Variants in COG2 observed in about 807,000 individuals in gnomAD.
COG2 encodes conserved oligomeric Golgi complex subunit 2.
A neutral mutation model predicts 90.6 loss-of-function variants in COG2; 52 were observed. The observed-to-expected ratio is 0.57, with a 90% confidence interval of 0.46 to 0.72. The LOEUF is 0.72. COG2 is among the 30% of genes least tolerant of loss of function. COG2 has a pLI of 0.00. For missense variants in COG2, 829 were observed against 891.2 expected (o/e 0.93, Z 0.89); for synonymous variants, 337 against 320.4 (o/e 1.05, Z -0.55).
intron 9 of COG2, chr1:230,678,149 G>A (rs1375737275): frequency 1.0e-6 from 1 of 985,418 alleles, no homozygotes; most frequent in South Asian, 4.7e-5. Flanking sequence ...CTTAGAGCCT[G>A]GGGGCTTCGG....
At position 230,688,054 on chromosome 1, in the gene COG2, G is replaced by A. The variant is rs766272426; in HGVS notation, c.1579-17G>A. 5.8e-6 allele frequency: 9 copies of A among 1,541,632 alleles called. No homozygotes were observed. In the South Asian group the frequency reaches 9.7e-5, roughly 17 times the overall value. ...TATAAAAAGTAACTGAATATATAAAGTGCATATTTATTTCAGCTTCCAGAA... is the reference window on the plus strand; with the variant it reads ...TATAAAAAGTAACTGAATATATAAAATGCATATTTATTTCAGCTTCCAGAA... On this transcript the variant is annotated splice_polypyrimidine_tract_variant and intron_variant, in intron 13 of 17. Coordinates refer to ENST00000366669, the MANE Select transcript of COG2 (RefSeq NM_007357.3).
intron 1 of COG2, among the ~76,000 whole-genome samples, chr1:230,652,960 G>A (rs1482358957): frequency 1.3e-5 from 2 of 152,176 alleles, no homozygotes; most frequent in African/African-American, 4.8e-5. Flanking sequence ...CCATAATCAA[G>A]GTAATGTATT....
intron 8 of COG2, among the ~76,000 whole-genome samples, chr1:230,674,085 G>A (rs1234709862): frequency 6.6e-6 from 1 of 152,166 alleles, no homozygotes; most frequent in Non-Finnish European, 1.5e-5. Flanking sequence ...TAGTGAAATG[G>A]TGTTTGCCTA....
intron 1 of COG2, among the ~76,000 whole-genome samples, chr1:230,658,310 C>G (rs546464507): frequency 6.6e-6 from 1 of 152,308 alleles, no homozygotes; most frequent in Non-Finnish European, 1.5e-5. Flanking sequence ...TCAGGCCCCT[C>G]TGCTGCAGGT....
chr1:230,664,171 A>G (rs997142192), intron 4 of COG2, among the ~76,000 whole-genome samples: 1 of 152,090 alleles, frequency 6.6e-6, no homozygotes, highest in Non-Finnish European at 1.5e-5. Context: ...CCTGGGTGAT[A>G]GAGTGAGACC....
intron 10 of COG2, chr1:230,679,308 A>ATTCCC: frequency 3.1e-6 from 1 of 320,178 alleles, no homozygotes; most frequent in Non-Finnish European, 5.7e-6. Context: ...AGCTGACTCC[A>ATTCCC]AGCCCAGCCT....
At chr1:230,680,521 T>C (rs895889121) in intron 10 of COG2, 9 of 152,198 alleles carry the variant, frequency 5.9e-5, no homozygotes, top group Non-Finnish European at 1.5e-5. Context: ...CAGCTGCATC[T>C]CCCTTCCATT....
At chr1:230,666,635 C>T (rs979780583) in intron 5 of COG2, among the ~76,000 whole-genome samples, 6 of 152,152 alleles carry the variant, frequency 3.9e-5, no homozygotes, top group Admixed American at 2.0e-4. Flanking sequence ...CTTTTGGTTC[C>T]CTGACTGCCC....
chr1:230,676,863 C>A (rs142491459), intron 9 of COG2, among the ~76,000 whole-genome samples: 1 of 152,028 alleles, frequency 6.6e-6, no homozygotes, highest in Non-Finnish European at 1.5e-5. Flanking sequence ...TTAAGTTAGC[C>A]GTTAATTTAA....
chr1:230,642,751 T>A, intron 1 of COG2, 73 bp downstream of exon 1: 1 of 1,435,560 alleles, frequency 7.0e-7, no homozygotes, highest in Non-Finnish European at 9.5e-7. Context: ...TGGCGGTCTC[T>A]TCGGTCGGCT....
chr1:230,678,450 C>T, intron 9 of COG2: 1 of 985,240 alleles, frequency 1.0e-6, no homozygotes. Context: ...ATCTCCCTGT[C>T]AGTTTTCATG....
chr1:230,649,401 A>AGG (rs1553308910), intron 1 of COG2, among the ~76,000 whole-genome samples: 1 of 152,144 alleles, frequency 6.6e-6, no homozygotes, highest in Non-Finnish European at 1.5e-5. Flanking sequence ...GTTGTGAGGA[A>AGG]GGGTTCCCTT....
At chr1:230,690,649 A>G (rs1339745893) in intron 16 of COG2, among the ~76,000 whole-genome samples, 1 of 152,224 alleles carries the variant, frequency 6.6e-6, no homozygotes, top group Non-Finnish European at 1.5e-5. Flanking sequence ...TCTTTTTCTA[A>G]TGAAATTTGC....
In COG2 at chr1:230,685,113, T is replaced by C. The variant is rs1162774080; in HGVS notation, c.1257T>C (p.Ser419=). The C allele has an allele frequency of 6.2e-7, 1 of 1,614,224 alleles. No individual in the cohort carries two copies. The highest frequency in any genetic ancestry group is 1.1e-5 in the South Asian group (1 of 91,076). The change falls in exon 12 of 18, where the codon TCT becomes TCC. Residue 419 remains serine (S), a synonymous_variant. Coordinates refer to ENST00000366669, the MANE Select transcript of COG2 (RefSeq NM_007357.3). ...PAESPYCLLA[S]HRTWSSLRRC... ...AAAGTCCGTATTGCCTTTTGGCTTC[T>C]CATAGAACTTGGAGCAGCCTTAGGA...
At chr1:230,671,310 C>A (rs975335218) in intron 7 of COG2, 3 of 333,622 alleles carry the variant, frequency 9.0e-6, no homozygotes, top group Non-Finnish European at 1.6e-5. Context: ...ATGTCTCCCC[C>A]ACAGTTGTAT....
At chr1:230,665,165 A>G (rs758110643) in intron 5 of COG2, among the ~76,000 whole-genome samples, 2 of 152,234 alleles carry the variant, frequency 1.3e-5, no homozygotes, top group Admixed American at 1.3e-4. Context: ...ATGGATCATT[A>G]TGAACATTAA....
At chr1:230,642,794 T>G in intron 1 of COG2, 116 bp downstream of exon 1, 1 of 978,490 alleles carries the variant, frequency 1.0e-6, no homozygotes, top group Non-Finnish European at 1.5e-6. Context: ...TGTCAGGTCC[T>G]CCGCCGAGAC....
intron 9 of COG2, chr1:230,678,621 G>T: frequency 7.5e-7 from 1 of 1,337,946 alleles, no homozygotes; most frequent in Non-Finnish European, 9.7e-7. Flanking sequence ...GGCTGGGGTA[G>T]GGGGCCCTAG....
intron 12 of COG2, among the ~76,000 whole-genome samples, chr1:230,686,365 G>A (rs961088016): frequency 3.3e-5 from 5 of 152,162 alleles, no homozygotes; most frequent in South Asian, 2.1e-4. Context: ...CTAAGCATGC[G>A]TTCTTGCTAG....
Sources: allele counts gnomAD v4.1 joint callset (sites outside exome capture counted in the v4.1 genomes callset), GRCh38; gene constraint gnomAD v4.1.1; transcripts MANE v1.5; gene names NCBI Gene and HGNC (gene_info 2026-07-23, HGNC 2026-07-21).